The following UBE4A variants were observed in gnomAD, a reference collection of about 807,000 sequenced individuals.
UBE4A encodes the protein ubiquitination factor E4A.
In UBE4A, 48 loss-of-function variants were observed where a neutral mutation model predicts 117.9. That is an observed-to-expected ratio of 0.41 (90% CI 0.32 to 0.52). UBE4A has a LOEUF of 0.52. UBE4A is among the 20% of genes least tolerant of loss of function. The probability of loss-of-function intolerance (pLI) is 0.33; values close to 1 mark genes in which losing one functional copy is unlikely to be tolerated. For synonymous variants in UBE4A, 407 were observed against 450.0 expected (o/e 0.90, Z 1.21); for missense variants, 1,067 against 1,296.3 (o/e 0.82, Z 2.72).
intron 15 of UBE4A, 115 bp from the exon 16 acceptor site, chr11:118,386,323 A>G (rs1425106456): frequency 1.9e-5 from 22 of 1,165,398 alleles, no homozygotes; most frequent in East Asian, 2.8e-5. Context: ...TGTCTTTTAC[A>G]TGGTCCCTCG....
intron 1 of UBE4A, among the ~76,000 whole-genome samples, chr11:118,361,187 T>C (rs527930083): frequency 6.6e-6 from 1 of 152,060 alleles, no homozygotes; most frequent in African/African-American, 2.4e-5. Context: ...GGTATGCGCC[T>C]GTAATCGCTT....
chr11:118,368,372 A>G (rs560986841), intron 2 of UBE4A, among the ~76,000 whole-genome samples: 2 of 152,336 alleles, frequency 1.3e-5, no homozygotes, highest in South Asian at 2.1e-4. Flanking sequence ...AGAGAAGATA[A>G]CTTTGCTATT....
chr11:118,371,362 G>A (rs1311176929), intron 4 of UBE4A, 152 bp from the exon 5 acceptor site: 20 of 977,284 alleles, frequency 2.0e-5, no homozygotes, highest in Non-Finnish European at 2.9e-5. Flanking sequence ...ATTTTCTAAA[G>A]TAAAAATATA....
At position 118,369,452 on chromosome 11, in the gene UBE4A, A is replaced by G; in HGVS notation, c.325A>G (p.Ile109Val). ...SDPSLKSGNG[I>V]PSRCVYLEEM... ...TCCCAGCTTGAAAAGCGGGAATGGC[A>G]TCCCTAGCCGTTGTGTGTATTTGGA... Residue 109 changes from isoleucine (I) to valine (V), a missense_variant, in exon 4 of 20, where the codon ATC becomes GTC. Ile to Val is a conservative substitution (Grantham distance 29). Coordinates refer to ENST00000252108, the MANE Select transcript of UBE4A (RefSeq NM_001204077.2). The G allele has an allele frequency of 6.2e-7, 1 of 1,614,200 alleles. No homozygotes were observed. Among genetic ancestry groups the G allele is most frequent in the Non-Finnish European group, 8.5e-7 (1 of 1,180,026 alleles).
intron 13 of UBE4A, 92 bp downstream of exon 13, chr11:118,382,868 C>A: frequency 3.3e-6 from 4 of 1,208,380 alleles, no homozygotes; most frequent in Non-Finnish European, 3.2e-6. Context: ...AAAGAAATGT[C>A]AAGCCATTAC....
chr11:118,380,063 G>T (rs1176935177), intron 11 of UBE4A, among the ~76,000 whole-genome samples: 2 of 151,274 alleles, frequency 1.3e-5, no homozygotes, highest in Non-Finnish European at 1.5e-5. Flanking sequence ...AACTTTCCCT[G>T]TCCTTTTTGT....
intron 1 of UBE4A, among the ~76,000 whole-genome samples, chr11:118,361,641 G>C (rs918929022): frequency 1.3e-5 from 2 of 152,182 alleles, no homozygotes; most frequent in Non-Finnish European, 2.9e-5. Context: ...GTTTTTTACA[G>C]ATAGTAGAGA....
At chr11:118,380,364 C>CT (rs1948694390) in intron 11 of UBE4A, among the ~76,000 whole-genome samples, 1 of 152,032 alleles carries the variant, frequency 6.6e-6, no homozygotes, top group South Asian at 2.1e-4. Context: ...AGGATGATTA[C>CT]TTGAGCCCAG....
At chr11:118,384,072 G>C (rs906059785) in intron 13 of UBE4A, among the ~76,000 whole-genome samples, 1 of 152,184 alleles carries the variant, frequency 6.6e-6, no homozygotes. Flanking sequence ...GAATGAAAAC[G>C]TAGGTCTTTT....
At chr11:118,368,497 T>G in intron 2 of UBE4A, 134 bp from the exon 3 acceptor site, 1 of 1,010,004 alleles carries the variant, frequency 9.9e-7, no homozygotes, top group South Asian at 1.6e-5. Flanking sequence ...TGACTTGAGA[T>G]GTTCACTAAT....
At chr11:118,379,418 C>G (rs782197150) in intron 10 of UBE4A, 28 bp from the exon 11 acceptor site, 4 of 1,599,008 alleles carry the variant, frequency 2.5e-6, no homozygotes, top group Non-Finnish European at 3.4e-6. Context: ...TTTCCCTGAC[C>G]CAGTCTCTTC....
At position 118,384,890 on chromosome 11, in the gene UBE4A, G is replaced by A. The variant is rs372317638; in HGVS notation, c.2357G>A (p.Arg786His). The change falls in exon 15 of 20, where the codon CGC (arginine) becomes CAC (histidine). Residue 786 changes from arginine (R) to histidine (H), a missense_variant. Transcript: ENST00000252108. Reference sequence around the variant, plus strand: ...GCCATGAATCCCCCACTTTTCCTCCGCTTTCTTAACCTGCTAATGAATGAT... The same window carrying A: ...GCCATGAATCCCCCACTTTTCCTCCACTTTCTTAACCTGCTAATGAATGAT... ...LEAMNPPLFL[R>H]FLNLLMNDAI... The A allele has an allele frequency of 6.9e-6, 11 of 1,604,818 alleles. No individual in the cohort carries two copies. Among genetic ancestry groups the A allele is most frequent in the East Asian group, 2.2e-5 (1 of 44,618 alleles).
At position 118,397,853 on chromosome 11, in the gene UBE4A, A is replaced by G. The variant is rs1948889503; in HGVS notation, c.*1413A>G. 6.6e-6 allele frequency: 1 copy of G among 152,170 alleles called. No individual in the cohort carries two copies. 9.4% of individuals were successfully genotyped at this position (152,170 alleles called of 1,614,324 possible). ...CAGTCCTTGATGGGTTTTTGATTGC[A>G]TCAGCTGGAAAGCCTCAAATCTAAG... On this transcript the variant is annotated 3_prime_UTR_variant, in exon 20 of 20. Coordinates refer to ENST00000252108, the MANE Select transcript of UBE4A (RefSeq NM_001204077.2).
intron 4 of UBE4A, among the ~76,000 whole-genome samples, chr11:118,371,171 CT>C (rs1432191130): frequency 6.6e-6 from 1 of 152,164 alleles, no homozygotes; most frequent in Non-Finnish European, 1.5e-5. Flanking sequence ...TTTGGAGTAT[CT>C]TTATATAAGT....
chr11:118,377,949 G>C (rs1276135295), intron 10 of UBE4A, among the ~76,000 whole-genome samples: 1 of 148,550 alleles, frequency 6.7e-6, no homozygotes, highest in Non-Finnish European at 1.5e-5. Context: ...TACTCCTGGT[G>C]ATAAAAGATG....
At chr11:118,380,535 T>C (rs1300812906) in intron 11 of UBE4A, among the ~76,000 whole-genome samples, 1 of 152,086 alleles carries the variant, frequency 6.6e-6, no homozygotes, top group Non-Finnish European at 1.5e-5. Context: ...TGAGCCATAA[T>C]TGCACTACTG....
intron 13 of UBE4A, 129 bp from the exon 14 acceptor site, chr11:118,384,506 G>A: frequency 1.3e-6 from 1 of 752,528 alleles, no homozygotes; most frequent in Non-Finnish European, 2.2e-6. Context: ...GAAACTCCAG[G>A]GCAGATTTTG....
chr11:118,360,576 C>T (rs1447359643), intron 1 of UBE4A, among the ~76,000 whole-genome samples: 2 of 152,108 alleles, frequency 1.3e-5, no homozygotes, highest in Non-Finnish European at 2.9e-5. Context: ...AGGACACAGA[C>T]CTTATGGGAG....
chr11:118,382,475 T>C, intron 12 of UBE4A, 114 bp from the exon 13 acceptor site: 1 of 757,936 alleles, frequency 1.3e-6, no homozygotes, highest in Non-Finnish European at 1.7e-6. Context: ...AAGTGGATCC[T>C]TTTTTTTCCT....
Sources: gnomAD v4.1 joint callset for allele counts (sites outside exome capture counted in the v4.1 genomes callset) on GRCh38, gnomAD v4.1.1 for gene constraint, MANE v1.5 for transcripts, NCBI Gene and HGNC (gene_info 2026-07-23, HGNC 2026-07-21) for gene names.